The following HS6ST3 variants were observed in gnomAD, a reference collection of about 807,000 sequenced individuals.
HS6ST3 encodes the protein heparan-sulfate 6-O-sulfotransferase 3.
Under a neutral mutation model 36.7 loss-of-function variants are expected in HS6ST3, and 12 were observed. That is an observed-to-expected ratio of 0.33 (90% CI 0.21 to 0.53). The LOEUF (loss-of-function observed/expected upper bound fraction) is 0.53. HS6ST3 is among the 20% of genes least tolerant of loss of function. HS6ST3 has a pLI of 0.95. For synonymous variants in HS6ST3, 240 were observed against 257.5 expected (o/e 0.93, Z 0.65); for missense variants, 584 against 640.9 (o/e 0.91, Z 0.96).
intron 1 of HS6ST3, among the ~76,000 whole-genome samples, chr13:96,397,157 C>T (rs1010667629): frequency 5.3e-5 from 8 of 152,120 alleles, no homozygotes; most frequent in African/African-American, 1.7e-4. Context: ...GAGCGGAGAT[C>T]GCCCCACTGC....
intron 1 of HS6ST3, among the ~76,000 whole-genome samples, chr13:96,286,432 A>G (rs2054802874): frequency 6.6e-6 from 1 of 152,186 alleles, no homozygotes; most frequent in Non-Finnish European, 1.5e-5. Flanking sequence ...AATGTTTAAC[A>G]TCCTGTAAAA....
intron 1 of HS6ST3, among the ~76,000 whole-genome samples, chr13:96,689,568 A>G (rs1347600763): frequency 2.8e-5 from 4 of 144,022 alleles, no homozygotes; most frequent in Non-Finnish European, 4.5e-5. Flanking sequence ...AGTCGTCAGG[A>G]TCACCCATTG....
intron 1 of HS6ST3, among the ~76,000 whole-genome samples, chr13:96,770,687 G>GT (rs1877243190): frequency 6.6e-6 from 1 of 152,194 alleles, no homozygotes; most frequent in African/African-American, 2.4e-5. Flanking sequence ...TTATTGGATA[G>GT]TAACCACCAG....
intron 1 of HS6ST3, among the ~76,000 whole-genome samples, chr13:96,575,086 C>T (rs752171622): frequency 1.1e-4 from 17 of 152,236 alleles, no homozygotes; most frequent in South Asian, 6.2e-4. Context: ...TGGATGGAGA[C>T]CCCCATCAAG....
intron 1 of HS6ST3, among the ~76,000 whole-genome samples, chr13:96,620,650 T>C (rs1395140629): frequency 6.6e-6 from 1 of 152,244 alleles, no homozygotes; most frequent in African/African-American, 2.4e-5. Context: ...TGTGGCATTA[T>C]GCCAGATATG....
At chr13:96,713,858 C>T (rs1045108057) in intron 1 of HS6ST3, among the ~76,000 whole-genome samples, 9 of 151,936 alleles carry the variant, frequency 5.9e-5, no homozygotes, top group African/African-American at 1.9e-4. Flanking sequence ...TAAATAATTA[C>T]TGGAGCAGAA....
Position 96,163,134 on chromosome 13 carries a change from C to T in HS6ST3, c.707+71565C>T, listed in dbSNP as rs867882571. 6.6e-5 allele frequency among the ~76,000 whole-genome samples: 10 copies of T among 151,166 alleles called. No individual in the cohort carries two copies. In the East Asian group the frequency reaches 1.2e-3, roughly 18 times the overall value. ...AGTTGTTCTTTTGTATGTGGAGTAA[C>T]ATGCTGCTTTTATGAGGCAGTGGGT... On this transcript the variant is annotated intron_variant, in intron 1 of 1. Coordinates refer to ENST00000376705, the MANE Select transcript of HS6ST3 (RefSeq NM_153456.4).
chr13:96,119,816 A>G (rs751419630), intron 1 of HS6ST3, among the ~76,000 whole-genome samples: 7 of 151,906 alleles, frequency 4.6e-5, no homozygotes, highest in South Asian at 2.1e-4. Context: ...AATGAGTCCT[A>G]AAATATTGCC....
chr13:96,233,113 A>G (rs1405463168), intron 1 of HS6ST3, among the ~76,000 whole-genome samples: 1 of 152,196 alleles, frequency 6.6e-6, no homozygotes, highest in Non-Finnish European at 1.5e-5. Context: ...TTTTGTGTAA[A>G]TAATATGTTT....
intron 1 of HS6ST3, among the ~76,000 whole-genome samples, chr13:96,123,431 T>G (rs1019057897): frequency 1.3e-5 from 2 of 152,208 alleles, no homozygotes; most frequent in African/African-American, 4.8e-5. Context: ...AAGTGAGGAT[T>G]GGACAAATGG....
intron 1 of HS6ST3, among the ~76,000 whole-genome samples, chr13:96,283,291 C>A (rs1286157699): frequency 1.3e-5 from 2 of 152,212 alleles, no homozygotes; most frequent in Non-Finnish European, 2.9e-5. Flanking sequence ...CTTAGTAACT[C>A]TACAAGCTGC....
At chr13:96,805,721 A>G (rs995395911) in intron 1 of HS6ST3, among the ~76,000 whole-genome samples, 3 of 152,238 alleles carry the variant, frequency 2.0e-5, no homozygotes, top group Non-Finnish European at 4.4e-5. Context: ...GATTTTTCAA[A>G]GGAAATAGAA....
chr13:96,122,897 T>G (rs1242337239), intron 1 of HS6ST3, among the ~76,000 whole-genome samples: 1 of 152,138 alleles, frequency 6.6e-6, no homozygotes, highest in Non-Finnish European at 1.5e-5. Context: ...GCCAGTTAGA[T>G]TGCCAAATAG....
At chr13:96,325,346 CAAT>C (rs2055025225) in intron 1 of HS6ST3, among the ~76,000 whole-genome samples, 1 of 152,206 alleles carries the variant, frequency 6.6e-6, no homozygotes, top group East Asian at 1.9e-4. Flanking sequence ...GCCAAGAAAT[CAAT>C]GGCCTCATCT....
At chr13:96,258,692 C>A (rs1374037002) in intron 1 of HS6ST3, among the ~76,000 whole-genome samples, 1 of 152,184 alleles carries the variant, frequency 6.6e-6, no homozygotes, top group African/African-American at 2.4e-5. Context: ...ATATCCCCAA[C>A]ATCCAACAGT....
intron 1 of HS6ST3, among the ~76,000 whole-genome samples, chr13:96,552,036 TA>T (rs2056221397): frequency 6.6e-6 from 1 of 152,316 alleles, no homozygotes; most frequent in East Asian, 1.9e-4. Flanking sequence ...AGTCAGCTGT[TA>T]TTTTTTTAAA....
intron 1 of HS6ST3, among the ~76,000 whole-genome samples, chr13:96,454,853 G>T (rs2055747022): frequency 7.1e-6 from 1 of 140,046 alleles, no homozygotes; most frequent in Admixed American, 7.5e-5. Flanking sequence ...GTTATTACCA[G>T]GGAATGATAT....
intron 1 of HS6ST3, among the ~76,000 whole-genome samples, chr13:96,331,439 G>A (rs1342989715): frequency 4.6e-5 from 7 of 151,390 alleles, no homozygotes; most frequent in East Asian, 2.0e-4. Context: ...ATACCCTGCC[G>A]TGTGAGGTGT....
At chr13:96,142,379 T>C (rs1454424800) in intron 1 of HS6ST3, among the ~76,000 whole-genome samples, 2 of 152,188 alleles carry the variant, frequency 1.3e-5, no homozygotes, top group Non-Finnish European at 2.9e-5. Context: ...GGAAAACACT[T>C]TTCCCAAAGA....
Sources: allele counts gnomAD v4.1 joint callset (sites outside exome capture counted in the v4.1 genomes callset), GRCh38; gene constraint gnomAD v4.1.1; transcripts MANE v1.5; gene names NCBI Gene and HGNC (gene_info 2026-07-23, HGNC 2026-07-21).